Variants in GALNT13 observed in about 807,000 individuals in gnomAD.
GALNT13 encodes UDP-GalNAc:polypeptide N-acetylgalactosaminyltransferase 13.
In GALNT13, 28 loss-of-function variants were observed where a neutral mutation model predicts 64.2. The observed-to-expected ratio is 0.44, with a 90% CI of 0.32 to 0.60. GALNT13 has a LOEUF of 0.60. GALNT13 is among the 20% of genes least tolerant of loss of function. The pLI is 0.05. For synonymous variants in GALNT13, 214 were observed against 224.6 expected (o/e 0.95, Z 0.42); for missense variants, 577 against 669.8 (o/e 0.86, Z 1.53).
chr2:153,210,737 G>T, the GALNT13 span, among the ~76,000 whole-genome samples: 1 of 152,128 alleles, frequency 6.6e-6, no homozygotes, highest in African/African-American at 2.4e-5. Context: ...GTAGAGTTCT[G>T]CAAGTTTAGT....
rs889396856 is a variant in GALNT13, at chr2:154,098,287, T to A, written c.143-42050T>A. Among the ~76,000 whole-genome samples the A allele has an allele frequency of 1.4e-4, 21 of 152,048 alleles. 1 individual carries two copies. The South Asian group carries it at 2.1e-3, about 15-fold the overall frequency. ...GATACGACATGTAAACTAAGGTGTG[T>A]TTTATCCCCTGATTATCTCCCTCCT... On this transcript the variant is annotated intron_variant, in intron 3 of 12. Transcript: ENST00000392825.
At chr2:153,995,532 T>C (rs955688388) in intron 3 of GALNT13, among the ~76,000 whole-genome samples, 2 of 152,282 alleles carry the variant, frequency 1.3e-5, no homozygotes, top group Non-Finnish European at 2.9e-5. Flanking sequence ...TTTTTGTTTA[T>C]ATTTGGCACA....
the GALNT13 span, among the ~76,000 whole-genome samples, chr2:153,791,632 C>A: frequency 6.6e-6 from 1 of 152,068 alleles, no homozygotes; most frequent in Admixed American, 6.6e-5. Flanking sequence ...TGTGTATGTT[C>A]ATTCCAGCAC....
the GALNT13 span, among the ~76,000 whole-genome samples, chr2:153,775,431 T>C: frequency 6.6e-6 from 1 of 152,196 alleles, no homozygotes; most frequent in Admixed American, 6.5e-5. Context: ...CCTTCCTGCC[T>C]CATTCATATG....
the GALNT13 span, among the ~76,000 whole-genome samples, chr2:153,107,346 A>T: frequency 7.5e-4 from 114 of 152,250 alleles, 1 homozygote; most frequent in African/African-American, 2.7e-3. Context: ...CTAAAGGAAC[A>T]CCCATGATGT....
chr2:153,847,369 A>G, the GALNT13 span, among the ~76,000 whole-genome samples: 1 of 147,908 alleles, frequency 6.8e-6, no homozygotes, highest in African/African-American at 2.5e-5. Context: ...GAAGATTTGA[A>G]TAACAGTTTG....
chr2:154,394,265 C>A (rs1574227134), intron 9 of GALNT13, among the ~76,000 whole-genome samples: 1 of 151,868 alleles, frequency 6.6e-6, no homozygotes, highest in East Asian at 1.9e-4. Context: ...ATTTTAAGTA[C>A]TTGAGGAAAA....
At chr2:153,966,249 T>C (rs1693334346) in intron 3 of GALNT13, among the ~76,000 whole-genome samples, 1 of 145,626 alleles carries the variant, frequency 6.9e-6, no homozygotes, top group Admixed American at 7.0e-5. Context: ...TACTTTAGCA[T>C]GTTGAATATG....
Position 154,103,359 on chromosome 2 carries a change from A to G in GALNT13, c.143-36978A>G, listed in dbSNP as rs146710941. ...TTACAGAAATTGTTTTTTAAAAAAC[A>G]TATCTGTCTCATCCTTTATATTATG... On this transcript the variant is annotated intron_variant, in intron 3 of 12. Transcript: ENST00000392825. 7.0e-3 allele frequency among the ~76,000 whole-genome samples: 1,067 copies of G among 152,278 alleles called. 11 individuals carry two copies. Among genetic ancestry groups the G allele is most frequent in the African/African-American group, 0.024 (983 of 41,570 alleles).
chr2:153,214,237 T>C, the GALNT13 span, among the ~76,000 whole-genome samples: 1 of 152,092 alleles, frequency 6.6e-6, no homozygotes, highest in East Asian at 1.9e-4. Context: ...TCCTCAGCAA[T>C]GGTAGACTCA....
chr2:153,780,214 GATAT>G, the GALNT13 span, among the ~76,000 whole-genome samples: 1,053 of 127,616 alleles, frequency 8.3e-3, 6 homozygotes, highest in East Asian at 0.039. Flanking sequence ...AGAATTTGAA[GATAT>G]ATATATATAT....
chr2:154,301,276 A>G (rs1693426180), intron 8 of GALNT13, 133 bp from the exon 9 acceptor site: 1 of 701,822 alleles, frequency 1.4e-6, no homozygotes. Context: ...AAGTAAGTAT[A>G]GTGTACCAGT....
At chr2:153,659,413 G>A in the GALNT13 span, among the ~76,000 whole-genome samples, 2 of 152,052 alleles carry the variant, frequency 1.3e-5, no homozygotes, top group African/African-American at 2.4e-5. Context: ...ACACAAAAAT[G>A]AGTAATATAC....
At chr2:153,178,537 C>T in the GALNT13 span, among the ~76,000 whole-genome samples, 1 of 151,938 alleles carries the variant, frequency 6.6e-6, no homozygotes, top group Non-Finnish European at 1.5e-5. Context: ...GGTCCATTGC[C>T]CATTCTAAAA....
intron 9 of GALNT13, among the ~76,000 whole-genome samples, chr2:154,365,224 A>G (rs1697302812): frequency 6.6e-6 from 1 of 152,118 alleles, no homozygotes; most frequent in Non-Finnish European, 1.5e-5. Flanking sequence ...GTGTGTTACT[A>G]GTTTAGTCTC....
At chr2:153,653,747 T>C in the GALNT13 span, among the ~76,000 whole-genome samples, 13 of 152,274 alleles carry the variant, frequency 8.5e-5, no homozygotes, top group East Asian at 2.3e-3. Context: ...TTCATTACTT[T>C]GTAAATAAAT....
At chr2:153,679,326 C>A in the GALNT13 span, among the ~76,000 whole-genome samples, 1 of 152,072 alleles carries the variant, frequency 6.6e-6, no homozygotes, top group East Asian at 1.9e-4. Flanking sequence ...TCTGATCAAA[C>A]CATGACTGAT....
chr2:153,330,957 G>A, the GALNT13 span, among the ~76,000 whole-genome samples: 3 of 152,002 alleles, frequency 2.0e-5, no homozygotes, highest in Admixed American at 1.3e-4. Context: ...TTCCTTCAAT[G>A]ACTAGTTTGT....
intron 3 of GALNT13, among the ~76,000 whole-genome samples, chr2:154,057,396 CAA>C (rs925208550): frequency 1.6e-4 from 24 of 152,144 alleles, no homozygotes; most frequent in African/African-American, 5.1e-4. Context: ...GAAGCAAAAA[CAA>C]AATGTACTGT....
Sources: gnomAD v4.1 joint callset for allele counts (sites outside exome capture counted in the v4.1 genomes callset) on GRCh38, gnomAD v4.1.1 for gene constraint, MANE v1.5 for transcripts, NCBI Gene and HGNC (gene_info 2026-07-23, HGNC 2026-07-21) for gene names.